CLVS2: variants seen among roughly 807,000 people sequenced by gnomAD.
The protein encoded by CLVS2 is clavesin 2.
Under a neutral mutation model 29.0 loss-of-function variants are expected in CLVS2, and 19 were observed. The ratio of observed to expected loss-of-function variants is 0.66; its 90% confidence interval spans 0.46 to 0.96. The LOEUF (loss-of-function observed/expected upper bound fraction) is 0.96. Ranked by LOEUF, CLVS2 falls within the 40% of genes least tolerant of loss-of-function variation. The pLI, the probability that CLVS2 is intolerant of heterozygous loss-of-function variation, is 0.00. For synonymous variants in CLVS2, 161 were observed against 151.3 expected (o/e 1.06, Z -0.47); for missense variants, 294 against 404.1 (o/e 0.73, Z 2.34).
In CLVS2 at chr6:123,068,002, C is replaced by A. The variant is rs1174055247; in HGVS notation, c.*4241C>A. The A allele has an allele frequency of 6.6e-6, 1 of 151,496 alleles. No homozygotes were observed. Among genetic ancestry groups the A allele is most frequent in the African/African-American group, 2.4e-5 (1 of 41,332 alleles). The allele number at this position is 151,496 out of a possible 1,614,324, so 9.4% of individuals were successfully genotyped here. A position where few individuals can be genotyped will look rare whatever the true frequency, so the allele number is the denominator to read the frequency against. ...CATTATTATATTATGATCTCAATGG[C>A]TTAGAGAATATAATCTTTTTTAAGA... On this transcript the variant is annotated 3_prime_UTR_variant, in exon 6 of 6. Coordinates refer to ENST00000275162, the MANE Select transcript of CLVS2 (RefSeq NM_001010852.4).
At chr6:123,040,694 G>A (rs1775216418) in intron 3 of CLVS2, among the ~76,000 whole-genome samples, 1 of 151,796 alleles carries the variant, frequency 6.6e-6, no homozygotes, top group South Asian at 2.1e-4. Flanking sequence ...TCGGGAGTCG[G>A]GAGGCTGAAG....
intron 3 of CLVS2, among the ~76,000 whole-genome samples, chr6:123,028,597 A>G (rs1025390759): frequency 2.6e-5 from 4 of 152,206 alleles, no homozygotes; most frequent in African/African-American, 9.6e-5. Flanking sequence ...TTCATCTCTG[A>G]GTTTGGCAAC....
At chr6:123,019,146 A>G (rs1038633197) in intron 3 of CLVS2, among the ~76,000 whole-genome samples, 13 of 152,080 alleles carry the variant, frequency 8.5e-5, no homozygotes, top group African/African-American at 2.9e-4. Flanking sequence ...TGTGTTGCAC[A>G]TCATTGCCTT....
intron 3 of CLVS2, among the ~76,000 whole-genome samples, chr6:123,018,576 A>G (rs975956195): frequency 2.6e-5 from 4 of 151,644 alleles, no homozygotes; most frequent in Admixed American, 1.3e-4. Context: ...GAAGTGAGTG[A>G]TTCTCTCTTA....
intron 3 of CLVS2, among the ~76,000 whole-genome samples, chr6:123,043,038 G>T (rs1229019165): frequency 6.6e-6 from 1 of 152,138 alleles, no homozygotes; most frequent in East Asian, 1.9e-4. Flanking sequence ...GAGGGAATTA[G>T]CAATACCAAC....
chr6:123,047,626 G>GA (rs984560690), intron 3 of CLVS2, among the ~76,000 whole-genome samples: 5 of 152,124 alleles, frequency 3.3e-5, no homozygotes, highest in Admixed American at 1.3e-4. Context: ...CATTTAAATT[G>GA]AAAAAATACA....
Position 122,997,532 on chromosome 6 carries a change from A to G in CLVS2, c.-246A>G, listed in dbSNP as rs1236795672. 9 of 556,268 alleles carry G rather than the reference A, an allele frequency of 1.6e-5. No individual in the cohort carries two copies. Among genetic ancestry groups the G allele is most frequent in the Non-Finnish European group, 3.0e-5 (9 of 304,992 alleles). 34.5% of individuals were successfully genotyped at this position (556,268 alleles called of 1,614,324 possible). ...TTAAAGGAAAGGAAAGAGGGAGCCA[A>G]AGTAGGGTGTTGTATTTTAGGGGGC... On this transcript the variant is annotated 5_prime_UTR_variant, in exon 2 of 6. Transcript: ENST00000275162.
chr6:123,046,421 AGGCCGAGGTG>A (rs1196002419), intron 3 of CLVS2, among the ~76,000 whole-genome samples: 1 of 152,138 alleles, frequency 6.6e-6, no homozygotes, highest in Non-Finnish European at 1.5e-5. Context: ...GCACTTTGGG[AGGCCGAGGTG>A]GGCGAGTCAC....
At chr6:123,062,459 C>T (rs909472647) in intron 5 of CLVS2, among the ~76,000 whole-genome samples, 1 of 151,858 alleles carries the variant, frequency 6.6e-6, no homozygotes, top group Non-Finnish European at 1.5e-5. Context: ...GTCTTACGCT[C>T]ACACACACAA....
At chr6:123,041,910 A>C (rs1285767848) in intron 3 of CLVS2, among the ~76,000 whole-genome samples, 1 of 152,198 alleles carries the variant, frequency 6.6e-6, no homozygotes, top group Non-Finnish European at 1.5e-5. Flanking sequence ...TTAAGATTTT[A>C]GCATCTGAGA....
rs1013663137 is a variant in CLVS2, at chr6:123,065,753, A to G, written c.*1992A>G. 1 of 151,850 alleles carries G rather than the reference A, an allele frequency of 6.6e-6. No individual in the cohort carries two copies. The highest frequency in any genetic ancestry group is 1.5e-5 in the Non-Finnish European group (1 of 67,798). The allele number at this position is 151,850 out of a possible 1,614,324, so 9.4% of individuals were successfully genotyped here. ...CATTGGAATAAAATAGAAACATTGT[A>G]AGTGCAGAGGGCAGTCAACTTTTCA... is the stretch of plus-strand genomic sequence containing the variant. On this transcript the variant is annotated 3_prime_UTR_variant, in exon 6 of 6. Coordinates refer to ENST00000275162, the MANE Select transcript of CLVS2 (RefSeq NM_001010852.4).
chr6:123,016,339 T>TGGGGGGGGG (rs10665635), intron 3 of CLVS2, among the ~76,000 whole-genome samples: 1 of 130,508 alleles, frequency 7.7e-6, no homozygotes, highest in African/African-American at 3.0e-5. Flanking sequence ...GTGCTTTTTT[T>TGGGGGGGGG]GGGGGGGAGG....
intron 2 of CLVS2, 145 bp from the exon 3 acceptor site, chr6:123,010,840 T>A: frequency 2.1e-6 from 1 of 472,208 alleles, no homozygotes; most frequent in Non-Finnish European, 3.6e-6. Context: ...TTAAACCTCT[T>A]CCTAAAATAG....
chr6:123,049,548 G>A (rs1474048857), intron 4 of CLVS2, among the ~76,000 whole-genome samples: 1 of 152,154 alleles, frequency 6.6e-6, no homozygotes, highest in Non-Finnish European at 1.5e-5. Context: ...AAAAGTTGCA[G>A]AGCTAGTATA....
chr6:123,035,036 A>T (rs1327303755), intron 3 of CLVS2, among the ~76,000 whole-genome samples: 1 of 152,198 alleles, frequency 6.6e-6, no homozygotes, highest in East Asian at 1.9e-4. Context: ...AATGAGAAGA[A>T]AGAACAGTTT....
intron 3 of CLVS2, among the ~76,000 whole-genome samples, chr6:123,028,153 C>T (rs749436951): frequency 1.3e-5 from 2 of 152,092 alleles, no homozygotes; most frequent in African/African-American, 4.8e-5. Context: ...ATTAAAATAT[C>T]GGAGAGCATC....
At chr6:123,027,538 C>T (rs1775022195) in intron 3 of CLVS2, among the ~76,000 whole-genome samples, 1 of 152,110 alleles carries the variant, frequency 6.6e-6, no homozygotes, top group Non-Finnish European at 1.5e-5. Context: ...AGGACATTGC[C>T]TTGCCTTTAG....
In CLVS2 at chr6:123,065,677, A is replaced by G. The variant is rs1197680982; in HGVS notation, c.*1916A>G. On this transcript the variant is annotated 3_prime_UTR_variant, in exon 6 of 6. Transcript: ENST00000275162. Reference sequence around the variant, plus strand: ...TTACATTCTTGCCTACCTGACATACATTTTGTAGCCATGGGCTTTTTAGAC... The same window carrying G: ...TTACATTCTTGCCTACCTGACATACGTTTTGTAGCCATGGGCTTTTTAGAC... 6.6e-6 allele frequency: 1 copy of G among 151,742 alleles called. No homozygotes were observed. Among genetic ancestry groups the G allele is most frequent in the Non-Finnish European group, 1.5e-5 (1 of 67,786 alleles). The allele number at this position is 151,742 out of a possible 1,614,324, so 9.4% of individuals were successfully genotyped here. A position where few individuals can be genotyped will look rare whatever the true frequency, so the allele number is the denominator to read the frequency against.
intron 2 of CLVS2, among the ~76,000 whole-genome samples, chr6:123,003,245 A>C (rs1245338637): frequency 1.3e-5 from 2 of 152,258 alleles, no homozygotes; most frequent in Non-Finnish European, 2.9e-5. Context: ...TTCATGTTTC[A>C]AAATCAACTT....
Sources: gnomAD v4.1 joint callset for allele counts (sites outside exome capture counted in the v4.1 genomes callset) on GRCh38, gnomAD v4.1.1 for gene constraint, MANE v1.5 for transcripts, NCBI Gene and HGNC (gene_info 2026-07-23, HGNC 2026-07-21) for gene names.